DTD1: variants seen among roughly 807,000 people sequenced by gnomAD.
The protein encoded by DTD1 is D-tyrosyl-tRNA deacylase 1 homolog.
In DTD1, 13 loss-of-function variants were observed where a neutral mutation model predicts 25.6. The ratio of observed to expected loss-of-function variants is 0.51; its 90% CI spans 0.33 to 0.81. DTD1 has a LOEUF of 0.81. DTD1 is among the 30% of genes least tolerant of loss of function. The pLI is 0.02. For synonymous variants in DTD1, 110 were observed against 103.6 expected (o/e 1.06, Z -0.37); for missense variants, 193 against 266.4 (o/e 0.72, Z 1.92).
intron 4 of DTD1, among the ~76,000 whole-genome samples, chr20:18,706,560 T>G (rs1568675858): frequency 2.0e-5 from 3 of 152,118 alleles, no homozygotes; most frequent in South Asian, 4.1e-4. Flanking sequence ...AAAGGCAAAT[T>G]GGGCCTTCTT....
At chr20:18,656,022 CA>C (rs1231496778) in intron 4 of DTD1, among the ~76,000 whole-genome samples, 1 of 152,192 alleles carries the variant, frequency 6.6e-6, no homozygotes, top group East Asian at 1.9e-4. Context: ...GCACCTGTCT[CA>C]GCCTTCCAAA....
intron 4 of DTD1, among the ~76,000 whole-genome samples, chr20:18,666,494 A>T (rs2060931741): frequency 6.6e-6 from 1 of 152,202 alleles, no homozygotes; most frequent in South Asian, 2.1e-4. Flanking sequence ...AGATAGATTT[A>T]ATTGCAGATA....
At chr20:18,707,924 GA>G (rs1480225040) in intron 4 of DTD1, among the ~76,000 whole-genome samples, 1 of 151,478 alleles carries the variant, frequency 6.6e-6, no homozygotes, top group African/African-American at 2.4e-5. Context: ...TGTGTCTGGT[GA>G]GGGTGTGGCG....
intron 1 of DTD1, among the ~76,000 whole-genome samples, chr20:18,591,588 G>A (rs2060589831): frequency 6.6e-6 from 1 of 151,910 alleles, no homozygotes; most frequent in Non-Finnish European, 1.5e-5. Flanking sequence ...ATATTAAAAG[G>A]AAATCATTAA....
chr20:18,752,470 T>C (rs1185576096), intron 5 of DTD1, among the ~76,000 whole-genome samples: 3 of 152,228 alleles, frequency 2.0e-5, no homozygotes, highest in Non-Finnish European at 2.9e-5. Flanking sequence ...AGTTTATTCA[T>C]GAGCCCATCA....
chr20:18,593,640 A>T, intron 1 of DTD1, 91 bp from the exon 2 acceptor site: 1 of 844,380 alleles, frequency 1.2e-6, no homozygotes, highest in African/African-American at 1.7e-5. Context: ...AGAAGTATGT[A>T]TGATGTTTAA....
intron 4 of DTD1, among the ~76,000 whole-genome samples, chr20:18,641,755 G>C (rs1269486207): frequency 1.3e-5 from 2 of 152,008 alleles, no homozygotes; most frequent in East Asian, 3.9e-4. Flanking sequence ...TATGTATTCT[G>C]TGTATTAATT....
chr20:18,754,159 C>T (rs1485923268), intron 5 of DTD1, among the ~76,000 whole-genome samples: 1 of 152,180 alleles, frequency 6.6e-6, no homozygotes, highest in Non-Finnish European at 1.5e-5. Flanking sequence ...CTTAAATGGC[C>T]TGAAGCCAGA....
At chr20:18,607,745 G>A (rs544790967) in intron 3 of DTD1, among the ~76,000 whole-genome samples, 5 of 150,228 alleles carry the variant, frequency 3.3e-5, no homozygotes, top group Non-Finnish European at 5.9e-5. Context: ...ATAGAGTCTC[G>A]CTTGGTCACT....
chr20:18,756,808 A>C (rs2061341213), intron 5 of DTD1, among the ~76,000 whole-genome samples: 1 of 152,106 alleles, frequency 6.6e-6, no homozygotes, highest in South Asian at 2.1e-4. Context: ...TCTGTGAAGA[A>C]AGTCATTGGT....
At chr20:18,713,705 G>A (rs2208204) in intron 4 of DTD1, among the ~76,000 whole-genome samples, 152,155 of 152,344 alleles carry the variant, frequency 1, 75,984 homozygotes, top group Middle Eastern at 1. Context: ...TTGGTTCTTC[G>A]TTCATGCACT....
chr20:18,631,455 G>C, intron 4 of DTD1: 10 of 985,650 alleles, frequency 1.0e-5, no homozygotes, highest in Non-Finnish European at 1.2e-5. Flanking sequence ...TGTTGGTTCT[G>C]TCTGCCTCTC....
intron 5 of DTD1, among the ~76,000 whole-genome samples, chr20:18,750,821 AT>A (rs2061318777): frequency 6.6e-6 from 1 of 152,122 alleles, no homozygotes; most frequent in Non-Finnish European, 1.5e-5. Context: ...GTGGTTTCTG[AT>A]TTGATTGCAG....
intron 4 of DTD1, chr20:18,674,358 A>T (rs1004179470): frequency 6.6e-6 from 1 of 152,240 alleles, no homozygotes; most frequent in Non-Finnish European, 1.5e-5. Context: ...ATAGGGAGGC[A>T]GTTAACCCAA....
intron 4 of DTD1, among the ~76,000 whole-genome samples, chr20:18,735,567 G>C (rs1311987369): frequency 6.6e-6 from 1 of 152,224 alleles, no homozygotes; most frequent in Non-Finnish European, 1.5e-5. Flanking sequence ...TGCCAAAGGG[G>C]ACAAATTGAT....
At chr20:18,738,197 A>T (rs141769516) in intron 4 of DTD1, among the ~76,000 whole-genome samples, 1 of 152,332 alleles carries the variant, frequency 6.6e-6, no homozygotes, top group Non-Finnish European at 1.5e-5. Flanking sequence ...AAGAGAGGTC[A>T]TGTGGCTCCC....
intron 4 of DTD1, among the ~76,000 whole-genome samples, chr20:18,642,169 A>G (rs974231965): frequency 6.6e-6 from 1 of 152,166 alleles, no homozygotes; most frequent in Non-Finnish European, 1.5e-5. Context: ...ATTCATTAGT[A>G]TCTTTCCTGC....
At chr20:18,641,737 A>C (rs1190491130) in intron 4 of DTD1, among the ~76,000 whole-genome samples, 1 of 151,984 alleles carries the variant, frequency 6.6e-6, no homozygotes. Flanking sequence ...TGAATTGCAG[A>C]AGTTCTTTAT....
Position 18,669,648 on chromosome 20 carries a change from TC to T in DTD1, c.477+41416del, listed in dbSNP as rs1347706219. 3.3e-5 allele frequency among the ~76,000 whole-genome samples: 5 copies of T among 152,060 alleles called. No homozygotes were observed. The East Asian group carries it at 9.7e-4, about 29-fold the overall frequency. ...CTGCCCTTAGTGCCTCACTCACCCC[TC>T]TCCCCAGCCTCTAAAAGTTAGGTGC... is the stretch of plus-strand genomic sequence containing the variant. On this transcript the variant is annotated intron_variant, in intron 4 of 5. Coordinates refer to ENST00000377452, the MANE Select transcript of DTD1 (RefSeq NM_080820.6).
Sources: allele counts gnomAD v4.1 joint callset (sites outside exome capture counted in the v4.1 genomes callset), GRCh38; gene constraint gnomAD v4.1.1; transcripts MANE v1.5; gene names NCBI Gene and HGNC (gene_info 2026-07-23, HGNC 2026-07-21).